PSD3: variants seen among roughly 807,000 people sequenced by gnomAD.
PSD3 encodes PH and SEC7 domain-containing protein 3.
A neutral mutation model predicts 105.5 loss-of-function variants in PSD3; 49 were observed. That is an observed-to-expected ratio of 0.46 (90% CI 0.37 to 0.59). The LOEUF (loss-of-function observed/expected upper bound fraction) is 0.59. Ranked by LOEUF, PSD3 falls within the 20% of genes least tolerant of loss-of-function variation. PSD3 has a pLI of 0.00. For synonymous variants in PSD3, 557 were observed against 457.8 expected (o/e 1.22, Z -2.77); for missense variants, 1,561 against 1,263.8 (o/e 1.24, Z -3.57).
At chr8:18,939,873 C>T (rs533655010) in intron 1 of PSD3, among the ~76,000 whole-genome samples, 7 of 152,140 alleles carry the variant, frequency 4.6e-5, no homozygotes, top group Admixed American at 1.3e-4. Flanking sequence ...TTTATACACA[C>T]ATATCTATTT....
chr8:18,671,516 A>G (rs1321037169), intron 9 of PSD3, among the ~76,000 whole-genome samples: 1 of 152,238 alleles, frequency 6.6e-6, no homozygotes, highest in Non-Finnish European at 1.5e-5. Context: ...TTCTTATACA[A>G]TGAATTAAAG....
At chr8:19,002,005 G>C (rs78168825) in intron 1 of PSD3, 7,403 of 155,860 alleles carry the variant, frequency 0.047, 640 homozygotes, top group African/African-American at 0.17. Flanking sequence ...TAGACAAGGG[G>C]AGAAGGGCCA....
chr8:18,623,725 C>T (rs931171387), intron 11 of PSD3, among the ~76,000 whole-genome samples: 8 of 151,646 alleles, frequency 5.3e-5, no homozygotes, highest in Admixed American at 1.3e-4. Flanking sequence ...CATGTACTAC[C>T]GCCAAATGTA....
At chr8:19,045,977 G>A (rs1012479313) in intron 1 of PSD3, among the ~76,000 whole-genome samples, 1 of 152,058 alleles carries the variant, frequency 6.6e-6, no homozygotes, top group African/African-American at 2.4e-5. Context: ...CTTATCCTCT[G>A]CCCCTAAAAG....
intron 1 of PSD3, among the ~76,000 whole-genome samples, chr8:19,077,311 T>G (rs964049375): frequency 1.3e-5 from 2 of 152,216 alleles, no homozygotes; most frequent in African/African-American, 4.8e-5. Flanking sequence ...CTGCTGGACC[T>G]GGTTATTGAA....
At chr8:18,811,191 T>C (rs1811649928) in intron 4 of PSD3, among the ~76,000 whole-genome samples, 1 of 152,176 alleles carries the variant, frequency 6.6e-6, no homozygotes, top group African/African-American at 2.4e-5. Flanking sequence ...ATTGTCAGTC[T>C]TATGAAACAG....
chr8:18,775,227 A>T (rs897069317), intron 8 of PSD3, among the ~76,000 whole-genome samples: 31 of 152,212 alleles, frequency 2.0e-4, no homozygotes, highest in African/African-American at 7.2e-4. Context: ...TTCCACTTAT[A>T]TTTATGTACC....
chr8:18,938,416 G>A (rs140824030), intron 1 of PSD3, among the ~76,000 whole-genome samples: 1 of 152,128 alleles, frequency 6.6e-6, no homozygotes, highest in Non-Finnish European at 1.5e-5. Flanking sequence ...GAGGTCAGGA[G>A]TTCGAGACCA....
chr8:18,833,612 C>A (rs1453557477), intron 4 of PSD3, among the ~76,000 whole-genome samples: 1 of 152,142 alleles, frequency 6.6e-6, no homozygotes, highest in South Asian at 2.1e-4. Context: ...TAGTTTCATT[C>A]CTGTATTTGC....
At chr8:18,958,239 T>C (rs1357397609) in intron 1 of PSD3, among the ~76,000 whole-genome samples, 2 of 152,248 alleles carry the variant, frequency 1.3e-5, no homozygotes. Context: ...AATGTATGCA[T>C]ATAATGTATC....
chr8:18,541,737 C>T (rs978933158), intron 15 of PSD3, among the ~76,000 whole-genome samples: 11 of 151,736 alleles, frequency 7.2e-5, no homozygotes, highest in African/African-American at 2.7e-4. Context: ...AAACATAGAC[C>T]CATTTTCTGA....
chr8:18,894,745 C>T (rs1379571977), intron 2 of PSD3, among the ~76,000 whole-genome samples: 1 of 152,162 alleles, frequency 6.6e-6, no homozygotes, highest in Non-Finnish European at 1.5e-5. Flanking sequence ...ACAATCGGAA[C>T]TCCCACCCTA....
In PSD3 at chr8:18,765,368, TC is replaced by T. The variant is rs149473429; in HGVS notation, c.2172+80del. ...AGCAAAAAGCAAAATACTTAAGTGA[TC>T]CTTAGCCTACTTAGGATTAAGCTGT... On this transcript the variant is annotated intron_variant, in intron 9 of 15. Coordinates refer to ENST00000327040, the MANE Select transcript of PSD3 (RefSeq NM_015310.4). 2,572 of 1,271,300 alleles carry T rather than the reference TC, an allele frequency of 2.0e-3. 40 individuals are homozygous for T. In the African/African-American group the frequency reaches 0.033, roughly 16 times the overall value. 78.8% of individuals were successfully genotyped at this position (1,271,300 alleles called of 1,614,324 possible).
intron 8 of PSD3, chr8:18,774,958 AAAGAG>A: frequency 2.2e-6 from 1 of 456,144 alleles, no homozygotes; most frequent in South Asian, 1.5e-5. Flanking sequence ...GCCCCGAGGG[AAAGAG>A]AAAAGTGCCC....
At chr8:18,894,902 C>T (rs1421403400) in intron 2 of PSD3, among the ~76,000 whole-genome samples, 1 of 152,170 alleles carries the variant, frequency 6.6e-6, no homozygotes, top group African/African-American at 2.4e-5. Flanking sequence ...AGGGAAGGAT[C>T]TGAGTTTTGT....
At chr8:18,780,847 C>T (rs556029218) in intron 8 of PSD3, among the ~76,000 whole-genome samples, 1 of 152,300 alleles carries the variant, frequency 6.6e-6, no homozygotes, top group South Asian at 2.1e-4. Context: ...AGCCACCGCG[C>T]CTGGCCCAGA....
At chr8:18,835,763 G>A (rs751029570) in intron 4 of PSD3, among the ~76,000 whole-genome samples, 7 of 152,196 alleles carry the variant, frequency 4.6e-5, no homozygotes, top group Admixed American at 2.0e-4. Context: ...CAAAGGCCCC[G>A]AGGTGGAAGC....
chr8:18,927,143 G>A (rs1162769979), intron 2 of PSD3, among the ~76,000 whole-genome samples: 2 of 152,270 alleles, frequency 1.3e-5, no homozygotes, highest in South Asian at 2.1e-4. Flanking sequence ...GCCCTCCCCA[G>A]GCACGCCACC....
At chr8:18,790,783 GA>G (rs1809647422) in intron 8 of PSD3, among the ~76,000 whole-genome samples, 1 of 151,808 alleles carries the variant, frequency 6.6e-6, no homozygotes, top group South Asian at 2.1e-4. Flanking sequence ...AAGCTGCAGG[GA>G]TGACGGCCTT....
Sources: allele counts gnomAD v4.1 joint callset (sites outside exome capture counted in the v4.1 genomes callset), GRCh38; gene constraint gnomAD v4.1.1; transcripts MANE v1.5; gene names NCBI Gene and HGNC (gene_info 2026-07-23, HGNC 2026-07-21).